Variants in REXO1 observed in about 807,000 individuals in gnomAD.
REXO1 encodes RNA exonuclease 1 homolog.
A neutral mutation model predicts 102.6 loss-of-function variants in REXO1; 42 were observed. The ratio of observed to expected loss-of-function variants is 0.41; its 90% confidence interval spans 0.32 to 0.53. The LOEUF is 0.53. Among genes scored for constraint, REXO1 ranks in the 20% least tolerant of loss-of-function variants. The pLI, the probability that REXO1 is intolerant of heterozygous loss-of-function variation, is 0.27. For missense variants in REXO1, 1,819 were observed against 1,732.5 expected (o/e 1.05, Z -0.89); for synonymous variants, 908 against 779.1 (o/e 1.17, Z -2.76).
rs565083731 is a variant in REXO1 at position 1,821,403 on chromosome 19, T to C, written c.2394+116A>G. 86 of 1,181,698 alleles carry C rather than the reference T, an allele frequency of 7.3e-5. 1 individual carries two copies. In the South Asian group the frequency reaches 1.1e-3, roughly 15 times the overall value. The allele number at this position is 1,181,698 out of a possible 1,614,324, so 73.2% of individuals were successfully genotyped here. A position where few individuals can be genotyped will look rare whatever the true frequency, so the allele number is the denominator to read the frequency against. ...GGAAGGTGAAGGCTGTACTGCGGTGTGGAGCACGAAGGCCCGCAGGGCAGG... is the reference window on the plus strand; with the variant it reads ...GGAAGGTGAAGGCTGTACTGCGGTGCGGAGCACGAAGGCCCGCAGGGCAGG... On this transcript the variant is annotated intron_variant, in intron 5 of 15. Coordinates refer to ENST00000170168, the MANE Select transcript of REXO1 (RefSeq NM_020695.4).
chr19:1,832,853 T>C (rs1599156332), intron 1 of REXO1, among the ~76,000 whole-genome samples: 2 of 147,668 alleles, frequency 1.4e-5, no homozygotes, highest in South Asian at 4.3e-4. Flanking sequence ...GAGGCAGAGG[T>C]TGCAGTGAGC....
At chr19:1,834,944 C>G (rs531035387) in intron 1 of REXO1, 2 of 436,432 alleles carry the variant, frequency 4.6e-6, no homozygotes, top group Admixed American at 2.4e-5. Flanking sequence ...CACCCTGCAG[C>G]CTGTGACCCA....
At chr19:1,832,349 C>G (rs530151919) in intron 1 of REXO1, among the ~76,000 whole-genome samples, 1 of 152,318 alleles carries the variant, frequency 6.6e-6, no homozygotes, top group Non-Finnish European at 1.5e-5. Context: ...TTAAGGCCCA[C>G]GGGGACGAAT....
chr19:1,847,438 G>A (rs564612831), intron 1 of REXO1, among the ~76,000 whole-genome samples: 1 of 152,114 alleles, frequency 6.6e-6, no homozygotes, highest in East Asian at 1.9e-4. Context: ...AAGGGACAGA[G>A]GTAACAGGGG....
chr19:1,828,399 G>C lies in REXO1; in HGVS notation c.390C>G (p.Arg130=). ...CCACAGTGGGGCTGGCGTTGGGGCC[G>C]CGGGGCGCCAGGGCGGGGGCCTCGG... The part of the protein sequence containing the change: ...RSAEAPALAP[R]GPNASPTVGP... The change falls in exon 2 of 16, where the codon CGC becomes CGG. Residue 130 remains arginine (R), a synonymous_variant. Transcript: ENST00000170168. 1 of 1,607,346 alleles carries C rather than the reference G, an allele frequency of 6.2e-7. No homozygotes were observed. Among genetic ancestry groups the C allele is most frequent in the South Asian group, 1.1e-5 (1 of 90,648 alleles).
At chr19:1,823,537 GC>G (rs2069613077) in intron 4 of REXO1, 34 bp downstream of exon 4, 16 of 1,270,168 alleles carry the variant, frequency 1.3e-5, no homozygotes, top group Admixed American at 8.3e-5. Context: ...CATGCCCACG[GC>G]CCCCCGGCAC....
In REXO1 at chr19:1,845,619, G is replaced by A. The variant is rs1034309707; in HGVS notation, c.157+2583C>T. Among the ~76,000 whole-genome samples the A allele has an allele frequency of 4.6e-5, 7 of 152,248 alleles. No homozygotes were observed. The East Asian group carries it at 1.2e-3, about 25-fold the overall frequency. ...GTCGAGGCTGCAGTAAGCTGTGATCGCACCACTGCACTCCAGCCTGGGTGA... is the reference window on the plus strand; with the variant it reads ...GTCGAGGCTGCAGTAAGCTGTGATCACACCACTGCACTCCAGCCTGGGTGA... On this transcript the variant is annotated intron_variant, in intron 1 of 15. Coordinates refer to ENST00000170168, the MANE Select transcript of REXO1 (RefSeq NM_020695.4).
At chr19:1,822,187 T>G in intron 4 of REXO1, 1 of 294,574 alleles carries the variant, frequency 3.4e-6, no homozygotes, top group Non-Finnish European at 6.2e-6. Context: ...TACGTCTGTG[T>G]GGCAGGGGGG....
In REXO1 at chr19:1,817,226, C is replaced by CA; in HGVS notation, c.3193dup (p.Cys1065LeufsTer27). 1 of 1,612,614 alleles carries CA rather than the reference C, an allele frequency of 6.2e-7. No individual in the cohort carries two copies. The highest frequency in any genetic ancestry group is 8.5e-7 in the Non-Finnish European group (1 of 1,179,982). On this transcript the variant is annotated frameshift_variant, in exon 12 of 16. Coordinates refer to ENST00000170168, the MANE Select transcript of REXO1 (RefSeq NM_020695.4). LOFTEE classifies it high-confidence loss of function. The stretch of plus-strand genomic sequence containing the variant: ...GGCAGAGAACAGCCTCACCATCTCG[C>CA]AGTCCAGGGCGTAGATCCCCGGGTG...
chr19:1,847,624 G>A (rs1305265251), intron 1 of REXO1, among the ~76,000 whole-genome samples: 1 of 152,200 alleles, frequency 6.6e-6, no homozygotes, highest in Non-Finnish European at 1.5e-5. Flanking sequence ...CAAAAGCATG[G>A]AATTCCTCGG....
intron 1 of REXO1, among the ~76,000 whole-genome samples, chr19:1,844,858 C>T (rs767229296): frequency 5.3e-5 from 8 of 152,244 alleles, no homozygotes; most frequent in African/African-American, 1.4e-4. Context: ...ATCCCCTCAA[C>T]GTGGTGCCCT....
Position 1,815,873 on chromosome 19 carries a change from G to T in REXO1, c.*193C>A. The stretch of plus-strand genomic sequence containing the variant: ...GCTGGGGGGCAGAGGGTGGGGACCG[G>T]CGGAGGGGTGCGGCAGGACGTGAGC... On this transcript the variant is annotated 3_prime_UTR_variant, in exon 16 of 16. Coordinates refer to ENST00000170168, the MANE Select transcript of REXO1 (RefSeq NM_020695.4). The surrounding 1 kb of genome is among the most constrained non-coding windows in gnomAD (Gnocchi z 4.0). The T allele has an allele frequency of 2.0e-6, 3 of 1,525,298 alleles. No individual in the cohort carries two copies. The highest frequency in any genetic ancestry group is 2.6e-6 in the Non-Finnish European group (3 of 1,139,940). The allele number at this position is 1,525,298 out of a possible 1,614,324, so 94.5% of individuals were successfully genotyped here. A position where few individuals can be genotyped will look rare whatever the true frequency, so the allele number is the denominator to read the frequency against.
intron 1 of REXO1, among the ~76,000 whole-genome samples, chr19:1,839,013 G>A (rs1175048876): frequency 6.6e-6 from 1 of 152,006 alleles, no homozygotes; most frequent in South Asian, 2.1e-4. Flanking sequence ...CCAGCACTTC[G>A]GAAAGCTGAG....
At chr19:1,828,975 C>A (rs1599149156) in intron 1 of REXO1, among the ~76,000 whole-genome samples, 1 of 152,270 alleles carries the variant, frequency 6.6e-6, no homozygotes, top group Non-Finnish European at 1.5e-5. Flanking sequence ...CTCCCCGGGG[C>A]AGGCGGGTGT....
Position 1,823,761 on chromosome 19 carries a change from C to G in REXO1, c.2041G>C (p.Ala681Pro). Residue 681 changes from alanine to proline, a missense_variant, in exon 4 of 16, where the codon GCG (alanine) becomes CCG (proline). Ala to Pro is a conservative substitution (Grantham distance 27, BLOSUM62 -1). Transcript: ENST00000170168. ...QEVEPPRRGP[A>P]VPPARPPTAQ... The stretch of plus-strand genomic sequence containing the variant: ...GTCGGGGGCCGGGCCGGGGGCACCG[C>G]GGGACCCCTCCTCGGGGGCTCCACC... 8.0e-7 allele frequency: 1 copy of G among 1,254,982 alleles called. No individual in the cohort carries two copies. The highest frequency in any genetic ancestry group is 1.0e-6 in the Non-Finnish European group (1 of 993,480). The allele number at this position is 1,254,982 out of a possible 1,614,324, so 77.7% of individuals were successfully genotyped here. A position where few individuals can be genotyped will look rare whatever the true frequency, so the allele number is the denominator to read the frequency against.
chr19:1,820,243 A>G (rs770882569), intron 6 of REXO1, 21 bp downstream of exon 6: 10 of 1,605,612 alleles, frequency 6.2e-6, no homozygotes, highest in South Asian at 1.1e-5. Flanking sequence ...GACCGGCCAG[A>G]TAGGAACTCC....
At chr19:1,821,456 T>A (rs2069537623) in intron 5 of REXO1, 63 bp downstream of exon 5, 3 of 1,599,772 alleles carry the variant, frequency 1.9e-6, no homozygotes, top group Non-Finnish European at 2.6e-6. Flanking sequence ...GCAGGTCCCA[T>A]GTGGCCGGGC....
chr19:1,832,937 A>C (rs1157409593), intron 1 of REXO1, among the ~76,000 whole-genome samples: 1 of 128,518 alleles, frequency 7.8e-6, no homozygotes, highest in Non-Finnish European at 1.6e-5. Context: ...AAAAAAAAAA[A>C]TTACACTTAG....
intron 1 of REXO1, among the ~76,000 whole-genome samples, chr19:1,841,476 C>T (rs903487278): frequency 2.6e-5 from 4 of 152,230 alleles, no homozygotes; most frequent in African/African-American, 9.6e-5. Context: ...TCAGATGCCA[C>T]GACCCCATCG....
Sources: allele counts gnomAD v4.1 joint callset (sites outside exome capture counted in the v4.1 genomes callset), GRCh38; gene constraint gnomAD v4.1.1; non-coding constraint Gnocchi (gnomAD v3.1); transcripts MANE v1.5; gene names NCBI Gene and HGNC (gene_info 2026-07-23, HGNC 2026-07-21).